The following ATRNL1 variants were observed in gnomAD, a reference collection of about 807,000 sequenced individuals.
The protein encoded by ATRNL1 is attractin-like protein 1.
Under a neutral mutation model 182.7 loss-of-function variants are expected in ATRNL1, and 95 were observed. That is an observed-to-expected ratio of 0.52 (90% CI 0.44 to 0.62). ATRNL1 has a LOEUF of 0.62. ATRNL1 is among the 20% of genes least tolerant of loss of function. The pLI, the probability that ATRNL1 is intolerant of heterozygous loss-of-function variation, is 0.00. For synonymous variants in ATRNL1, 576 were observed against 568.3 expected (o/e 1.01, Z -0.19); for missense variants, 1,471 against 1,679.5 (o/e 0.88, Z 2.17).
At chr10:115,788,660 C>A (rs1388531227) in intron 27 of ATRNL1, among the ~76,000 whole-genome samples, 9 of 152,186 alleles carry the variant, frequency 5.9e-5, no homozygotes, top group African/African-American at 2.2e-4. Flanking sequence ...TGAAAATTGT[C>A]CCCACCAAAA....
intron 26 of ATRNL1, among the ~76,000 whole-genome samples, chr10:115,633,321 G>T (rs1265972863): frequency 6.6e-6 from 1 of 152,092 alleles, no homozygotes; most frequent in Admixed American, 6.5e-5. Flanking sequence ...TGTAAGTCTT[G>T]GTTCTGTCTA....
At chr10:115,209,530 A>G (rs1411487718) in intron 8 of ATRNL1, among the ~76,000 whole-genome samples, 5 of 148,562 alleles carry the variant, frequency 3.4e-5, no homozygotes, top group Non-Finnish European at 7.5e-5. Context: ...AATTTTTGCT[A>G]TTTACTTTTG....
intron 26 of ATRNL1, among the ~76,000 whole-genome samples, chr10:115,614,526 T>C (rs1857331738): frequency 6.6e-6 from 1 of 152,212 alleles, no homozygotes; most frequent in Middle Eastern, 3.2e-3. Flanking sequence ...ATTCTGTATA[T>C]GTCTGTTAGG....
At chr10:115,782,619 G>A (rs2134192447) in intron 27 of ATRNL1, among the ~76,000 whole-genome samples, 1 of 152,204 alleles carries the variant, frequency 6.6e-6, no homozygotes, top group African/African-American at 2.4e-5. Flanking sequence ...AGAGAAAAGG[G>A]CTGAGAAGTT....
chr10:115,131,572 T>C (rs1554875175), intron 5 of ATRNL1, among the ~76,000 whole-genome samples: 1 of 152,016 alleles, frequency 6.6e-6, no homozygotes, highest in African/African-American at 2.4e-5. Context: ...ATATATAGAA[T>C]GGGAAGGAAT....
At position 115,384,888 on chromosome 10, in the gene ATRNL1, G is replaced by T. The variant is rs181742128; in HGVS notation, c.3176-9771G>T. Among the ~76,000 whole-genome samples, 24 of 151,222 alleles carry T rather than the reference G, an allele frequency of 1.6e-4. No homozygotes were observed. In the East Asian group the frequency reaches 4.5e-3, roughly 28 times the overall value. On this transcript the variant is annotated intron_variant, in intron 19 of 28. Transcript: ENST00000355044. ...TTGCTGAGTAGTATTTTATTGTCTG[G>T]ATATACCACATTTTGTTTATTCCAT...
rs1250679430 is a variant in ATRNL1, at chr10:115,946,097, G to T, written c.*1318G>T. On this transcript the variant is annotated 3_prime_UTR_variant, in exon 29 of 29. Coordinates refer to ENST00000355044, the MANE Select transcript of ATRNL1 (RefSeq NM_207303.4). ...GGAATTGCAGTTTCCTCACTTCAGGGTGACAAGATATGTATAACAGTGACA... is the reference window on the plus strand; with the variant it reads ...GGAATTGCAGTTTCCTCACTTCAGGTTGACAAGATATGTATAACAGTGACA... 1 of 152,198 alleles carries T rather than the reference G, an allele frequency of 6.6e-6. No homozygotes were observed. The allele number at this position is 152,198 out of a possible 1,614,324, so 9.4% of individuals were successfully genotyped here.
At chr10:115,345,477 T>C (rs1028064587) in intron 19 of ATRNL1, among the ~76,000 whole-genome samples, 3 of 152,042 alleles carry the variant, frequency 2.0e-5, no homozygotes, top group African/African-American at 4.8e-5. Flanking sequence ...TGCAGGGAGG[T>C]GGGAGAGGGC....
chr10:115,920,178 A>T (rs371490514), intron 28 of ATRNL1, among the ~76,000 whole-genome samples: 1 of 152,158 alleles, frequency 6.6e-6, no homozygotes, highest in Admixed American at 6.5e-5. Flanking sequence ...CCACTACTCC[A>T]TGCCCATGTT....
chr10:115,106,594 T>C (rs1844022763), intron 1 of ATRNL1, among the ~76,000 whole-genome samples: 1 of 152,194 alleles, frequency 6.6e-6, no homozygotes, highest in African/African-American at 2.4e-5. Context: ...GGGAGGTAAT[T>C]GAATCATGGG....
intron 28 of ATRNL1, among the ~76,000 whole-genome samples, chr10:115,939,019 CAA>C (rs1285186014): frequency 6.6e-6 from 1 of 151,944 alleles, no homozygotes; most frequent in Non-Finnish European, 1.5e-5. Context: ...ATTCTCACCA[CAA>C]AAAAAGATGG....
At chr10:115,714,897 A>G (rs914564263) in intron 26 of ATRNL1, among the ~76,000 whole-genome samples, 23 of 152,210 alleles carry the variant, frequency 1.5e-4, no homozygotes, top group Non-Finnish European at 4.4e-5. Context: ...TGCTTTTGGT[A>G]AAGGGAAGAA....
chr10:115,556,497 A>G (rs1451860163), intron 26 of ATRNL1, among the ~76,000 whole-genome samples: 3 of 152,220 alleles, frequency 2.0e-5, no homozygotes, highest in East Asian at 1.9e-4. Flanking sequence ...AATGAAAACT[A>G]CATCACAACT....
At chr10:115,105,331 G>A (rs1843959168) in intron 1 of ATRNL1, among the ~76,000 whole-genome samples, 3 of 152,166 alleles carry the variant, frequency 2.0e-5, no homozygotes, top group African/African-American at 7.2e-5. Flanking sequence ...CATTCAAGAT[G>A]TGACTTGGGT....
At chr10:115,802,046 A>AC (rs1555084470) in intron 27 of ATRNL1, among the ~76,000 whole-genome samples, 197 of 69,628 alleles carry the variant, frequency 2.8e-3, no homozygotes, top group African/African-American at 6.3e-3. Context: ...ACACACACAC[A>AC]AAACAAAAAA....
intron 27 of ATRNL1, among the ~76,000 whole-genome samples, chr10:115,747,050 A>G (rs781804063): frequency 6.6e-6 from 1 of 152,144 alleles, no homozygotes; most frequent in African/African-American, 2.4e-5. Context: ...TAAGAATTTC[A>G]ATTATAAGGC....
intron 1 of ATRNL1, 83 bp downstream of exon 1, chr10:115,094,126 C>A (rs1003655037): frequency 7.8e-5 from 96 of 1,235,670 alleles, no homozygotes; most frequent in Non-Finnish European, 9.7e-5. Context: ...CGGCCTCCCC[C>A]GCCCCCGTCG....
chr10:115,370,417 G>A lies in ATRNL1; in HGVS notation c.3176-24242G>A, dbSNP rs1188376010. On this transcript the variant is annotated intron_variant, in intron 19 of 28. Coordinates refer to ENST00000355044, the MANE Select transcript of ATRNL1 (RefSeq NM_207303.4). ...GAACTCCCTAGAGACTTGTTGAATG[G>A]CTTTGACTAAAATGCTGATAATGAT... 2.6e-5 allele frequency among the ~76,000 whole-genome samples: 4 copies of A among 152,198 alleles called. No homozygotes were observed. In the East Asian group the frequency reaches 7.7e-4, roughly 29 times the overall value.
At chr10:115,223,005 C>T (rs545891988) in intron 9 of ATRNL1, among the ~76,000 whole-genome samples, 2 of 152,148 alleles carry the variant, frequency 1.3e-5, no homozygotes, top group African/African-American at 4.8e-5. Context: ...GTTGGTCGGG[C>T]ATGGTGGCTT....
Sources: allele counts gnomAD v4.1 joint callset (sites outside exome capture counted in the v4.1 genomes callset), GRCh38; gene constraint gnomAD v4.1.1; transcripts MANE v1.5; gene names NCBI Gene and HGNC (gene_info 2026-07-23, HGNC 2026-07-21).